The following MICAL2 variants were observed in gnomAD, a reference collection of about 807,000 sequenced individuals.
MICAL2 encodes [F-actin]-monooxygenase MICAL2.
In MICAL2, 77 loss-of-function variants were observed where a neutral mutation model predicts 127.3. The observed-to-expected ratio is 0.60, with a 90% CI of 0.50 to 0.73. MICAL2 has a LOEUF of 0.73. MICAL2 is among the 30% of genes least tolerant of loss of function. The probability of loss-of-function intolerance (pLI) is 0.00; values close to 1 mark genes in which losing one functional copy is unlikely to be tolerated. For missense variants in MICAL2, 1,351 were observed against 1,434.4 expected (o/e 0.94, Z 0.94); for synonymous variants, 570 against 551.1 (o/e 1.03, Z -0.48).
At chr11:12,276,392 A>C in intron 1 of MICAL2, 1 of 377,418 alleles carries the variant, frequency 2.6e-6, no homozygotes, top group Non-Finnish European at 4.7e-6. Flanking sequence ...CGTCATAAGC[A>C]CTGTAAGTGT....
chr11:12,340,547 GA>G (rs1277799211), intron 32 of MICAL2, among the ~76,000 whole-genome samples: 3 of 152,158 alleles, frequency 2.0e-5, no homozygotes, highest in Non-Finnish European at 2.9e-5. Context: ...ATACTCCAGA[GA>G]AACTCTTACC....
At chr11:12,355,776 T>G (rs1939119053) in intron 34 of MICAL2, among the ~76,000 whole-genome samples, 1 of 152,234 alleles carries the variant, frequency 6.6e-6, no homozygotes, top group Non-Finnish European at 1.5e-5. Flanking sequence ...AGATCACAGA[T>G]CAGGGTCTCC....
intron 6 of MICAL2, among the ~76,000 whole-genome samples, chr11:12,212,454 G>A (rs920847368): frequency 6.6e-6 from 1 of 152,062 alleles, no homozygotes; most frequent in Non-Finnish European, 1.5e-5. Context: ...TCCAGCCTGG[G>A]CAACAGAGCG....
At chr11:12,111,611 A>G (rs1849613988) in intron 1 of MICAL2, among the ~76,000 whole-genome samples, 1 of 152,240 alleles carries the variant, frequency 6.6e-6, no homozygotes, top group African/African-American at 2.4e-5. Context: ...TGGGTTCTTA[A>G]AGCGGAAAGA....
At chr11:12,236,026 TAC>T in intron 15 of MICAL2, 149 bp from the exon 16 acceptor site, 1 of 675,828 alleles carries the variant, frequency 1.5e-6, no homozygotes, top group Non-Finnish European at 2.7e-6. Context: ...AGTCATTTAC[TAC>T]CACTCCTGCC....
intron 29 of MICAL2, among the ~76,000 whole-genome samples, chr11:12,306,055 T>G (rs1864105940): frequency 6.6e-6 from 1 of 152,204 alleles, no homozygotes; most frequent in Non-Finnish European, 1.5e-5. Flanking sequence ...TTCTAGATAG[T>G]CATTTTTCTT....
At chr11:12,281,156 C>CG (rs148868330) in intron 2 of MICAL2, 4,321 of 398,876 alleles carry the variant, frequency 0.011, 33 homozygotes, top group Non-Finnish European at 0.015. Context: ...ACAGAGACCC[C>CG]CACAGCTGAA....
chr11:12,294,923 C>T (rs1174130280), downstream of MICAL2: 4 of 1,378,988 alleles, frequency 2.9e-6, no homozygotes, highest in Non-Finnish European at 3.7e-6. Context: ...TTCATTGCAT[C>T]GACAAGCAGG....
At chr11:12,283,519 A>G (rs1016652168) in intron 2 of MICAL2, among the ~76,000 whole-genome samples, 10 of 152,338 alleles carry the variant, frequency 6.6e-5, no homozygotes, top group African/African-American at 2.4e-4. Context: ...GGACTCTGAC[A>G]TGTGCTACAA....
chr11:12,263,687 C>T lies in MICAL2; in HGVS notation c.*145C>T, dbSNP rs1863416537. 6.5e-6 allele frequency: 1 copy of T among 152,704 alleles called. No individual in the cohort carries two copies. The highest frequency in any genetic ancestry group is 1.5e-5 in the Non-Finnish European group (1 of 68,050). The allele number at this position is 152,704 out of a possible 1,614,324, so 9.5% of individuals were successfully genotyped here. ...CCTTTGGTAATCATTTACAGTGCCA[C>T]ACGGAACCCTGTATTTTGCACACAG... On this transcript the variant is annotated 3_prime_UTR_variant, in exon 28 of 28. Coordinates refer to ENST00000683283, the MANE Select transcript of MICAL2 (RefSeq NM_001282663.2).
intron 2 of MICAL2, among the ~76,000 whole-genome samples, chr11:12,158,604 G>A (rs987243900): frequency 6.6e-6 from 1 of 152,122 alleles, no homozygotes; most frequent in African/African-American, 2.4e-5. Flanking sequence ...CATAGCACTT[G>A]TATTAGGTAT....
intron 1 of MICAL2, among the ~76,000 whole-genome samples, chr11:12,118,199 T>C (rs1850202102): frequency 6.6e-6 from 1 of 152,178 alleles, no homozygotes; most frequent in Admixed American, 6.5e-5. Flanking sequence ...TACATACATA[T>C]GTGTGTGGTA....
intron 26 of MICAL2, 86 bp from the exon 27 acceptor site, chr11:12,262,394 T>C: frequency 5.0e-6 from 8 of 1,597,630 alleles, no homozygotes; most frequent in Non-Finnish European, 6.0e-6. Flanking sequence ...TGCCTTCTCG[T>C]GATGTTAATC....
At chr11:12,340,562 G>A (rs187338203) in intron 32 of MICAL2, among the ~76,000 whole-genome samples, 5 of 152,176 alleles carry the variant, frequency 3.3e-5, no homozygotes, top group Admixed American at 6.5e-5. Context: ...TCTTACCCAC[G>A]TGGCCAAAAA....
At chr11:12,159,027 C>G (rs75616726) in intron 2 of MICAL2, among the ~76,000 whole-genome samples, 2,464 of 152,286 alleles carry the variant, frequency 0.016, 69 homozygotes, top group African/African-American at 0.057. Flanking sequence ...CAAGTCTGAG[C>G]CTGGTACAGG....
chr11:12,341,463 CAAACA>C (rs565446182), intron 32 of MICAL2, among the ~76,000 whole-genome samples: 2,241 of 87,846 alleles, frequency 0.026, 25 homozygotes, highest in South Asian at 0.043. Flanking sequence ...AGGTTAAAAA[CAAACA>C]AAAAAAAAGA....
intron 4 of MICAL2, among the ~76,000 whole-genome samples, chr11:12,207,218 C>A (rs923094147): frequency 1.3e-5 from 2 of 152,160 alleles, no homozygotes; most frequent in Admixed American, 6.5e-5. Context: ...CCTCCCCCAA[C>A]CACCATGTCT....
At chr11:12,179,302 T>C (rs1440379109) in intron 3 of MICAL2, among the ~76,000 whole-genome samples, 1 of 152,102 alleles carries the variant, frequency 6.6e-6, no homozygotes, top group African/African-American at 2.4e-5. Flanking sequence ...CTTTCCGTGT[T>C]CAGTCTGCTG....
chr11:12,266,829 A>C (rs111502405), downstream of MICAL2, among the ~76,000 whole-genome samples: 1,290 of 152,338 alleles, frequency 8.5e-3, 24 homozygotes, highest in African/African-American at 0.028. Context: ...CCTTCTGTGA[A>C]CTGGGGCTAA....
Sources: allele counts gnomAD v4.1 joint callset (sites outside exome capture counted in the v4.1 genomes callset), GRCh38; gene constraint gnomAD v4.1.1; transcripts MANE v1.5; gene names NCBI Gene and HGNC (gene_info 2026-07-23, HGNC 2026-07-21).